The following PRKCE variants were observed in gnomAD, a reference collection of about 807,000 sequenced individuals.
PRKCE encodes protein kinase C epsilon, also known as protein kinase C epsilon type.
Under a neutral mutation model 85.4 loss-of-function variants are expected in PRKCE, and 16 were observed. The observed-to-expected ratio is 0.19, with a 90% confidence interval of 0.13 to 0.28. The LOEUF (loss-of-function observed/expected upper bound fraction) is 0.28. PRKCE is among the 10% of genes least tolerant of loss of function. The pLI is 1.00. For synonymous variants in PRKCE, 388 were observed against 371.5 expected (o/e 1.04, Z -0.51); for missense variants, 573 against 975.2 (o/e 0.59, Z 5.49).
chr2:45,984,137 C>T (rs1703123543), intron 5 of PRKCE, among the ~76,000 whole-genome samples: 2 of 152,016 alleles, frequency 1.3e-5, no homozygotes, highest in African/African-American at 2.4e-5. Context: ...AGGGTTTCAC[C>T]ATGTTGGCCA....
chr2:45,991,302 A>C (rs1387653115), intron 6 of PRKCE, among the ~76,000 whole-genome samples: 1 of 152,174 alleles, frequency 6.6e-6, no homozygotes. Flanking sequence ...CCACCACGCC[A>C]GACCTTATAA....
chr2:46,100,878 T>A (rs886343905), intron 11 of PRKCE, among the ~76,000 whole-genome samples: 9 of 151,948 alleles, frequency 5.9e-5, no homozygotes, highest in Non-Finnish European at 1.3e-4. Context: ...TCTCTTCTCT[T>A]CTCTTTTCTT....
At chr2:45,669,832 G>A (rs148646327) in intron 1 of PRKCE, among the ~76,000 whole-genome samples, 1 of 152,050 alleles carries the variant, frequency 6.6e-6, no homozygotes, top group Non-Finnish European at 1.5e-5. Context: ...CCAACATGGC[G>A]AAACCCCGTC....
intron 1 of PRKCE, among the ~76,000 whole-genome samples, chr2:45,678,986 C>T (rs954485611): frequency 3.9e-5 from 6 of 152,106 alleles, no homozygotes; most frequent in Admixed American, 2.0e-4. Flanking sequence ...GAAAGGCTTA[C>T]ATTGATTTTG....
intron 14 of PRKCE, among the ~76,000 whole-genome samples, chr2:46,180,718 C>A (rs1679892031): frequency 6.6e-6 from 1 of 152,208 alleles, no homozygotes; most frequent in Admixed American, 6.5e-5. Context: ...CAGAAGGAAC[C>A]TAATATCACA....
At chr2:46,169,444 T>C (rs1678671189) in intron 14 of PRKCE, among the ~76,000 whole-genome samples, 1 of 152,212 alleles carries the variant, frequency 6.6e-6, no homozygotes. Context: ...TACTCCTTTC[T>C]GGACCTATTT....
intron 11 of PRKCE, among the ~76,000 whole-genome samples, chr2:46,109,675 A>C (rs1467002942): frequency 6.6e-6 from 1 of 152,070 alleles, no homozygotes; most frequent in Non-Finnish European, 1.5e-5. Flanking sequence ...ATTCCTTCCT[A>C]ATCTGCACAC....
At chr2:45,958,903 C>A (rs1378849608) in intron 2 of PRKCE, among the ~76,000 whole-genome samples, 1 of 132,414 alleles carries the variant, frequency 7.6e-6, no homozygotes, top group East Asian at 2.4e-4. Flanking sequence ...GTGTTTTGCC[C>A]CTAAGGAGCA....
At chr2:46,017,658 A>G (rs916363643) in intron 10 of PRKCE, among the ~76,000 whole-genome samples, 1 of 152,210 alleles carries the variant, frequency 6.6e-6, no homozygotes, top group Non-Finnish European at 1.5e-5. Context: ...ACTATTTTAC[A>G]TTCCCATCAA....
intron 14 of PRKCE, among the ~76,000 whole-genome samples, chr2:46,182,361 T>C (rs756781896): frequency 2.6e-5 from 4 of 152,188 alleles, no homozygotes; most frequent in Non-Finnish European, 4.4e-5. Flanking sequence ...ATGGTCTTTG[T>C]TGTTTCCCTC....
intron 1 of PRKCE, among the ~76,000 whole-genome samples, chr2:45,716,911 G>A (rs1020919183): frequency 2.6e-5 from 4 of 152,202 alleles, no homozygotes; most frequent in African/African-American, 9.7e-5. Flanking sequence ...AGCGAAGGGA[G>A]AAGCCCCTTA....
At chr2:45,658,157 T>C (rs1452322970) in intron 1 of PRKCE, among the ~76,000 whole-genome samples, 1 of 152,158 alleles carries the variant, frequency 6.6e-6, no homozygotes, top group East Asian at 1.9e-4. Flanking sequence ...ACCTCCTTCG[T>C]GTGCGCCTAT....
chr2:45,912,476 G>C (rs180705946), intron 2 of PRKCE, among the ~76,000 whole-genome samples: 7 of 152,272 alleles, frequency 4.6e-5, no homozygotes, highest in Admixed American at 3.3e-4. Context: ...GGGAGTGGGT[G>C]GGGGCTGGGG....
intron 10 of PRKCE, among the ~76,000 whole-genome samples, chr2:46,055,819 C>T (rs369164960): frequency 4.7e-4 from 72 of 152,282 alleles, no homozygotes; most frequent in Middle Eastern, 3.4e-3. Flanking sequence ...CACACCACCA[C>T]GCCTAGCTAA....
At position 45,918,947 on chromosome 2, in the gene PRKCE, C is replaced by T. The variant is rs1698042312; in HGVS notation, c.413-57482C>T. Among the ~76,000 whole-genome samples the T allele has an allele frequency of 2.0e-5, 3 of 152,244 alleles. No homozygotes were observed. The South Asian group carries it at 6.2e-4, about 32-fold the overall frequency. ...CATTCCCCTTTGCTGTCACACACCC[C>T]TCCTCTTCAGGGAGAGCTGGCATGA... On this transcript the variant is annotated intron_variant, in intron 2 of 14. Transcript: ENST00000306156.
At chr2:46,108,130 G>T (rs1439199643) in intron 11 of PRKCE, among the ~76,000 whole-genome samples, 1 of 152,106 alleles carries the variant, frequency 6.6e-6, no homozygotes, top group Non-Finnish European at 1.5e-5. Context: ...GTGTCGCTCT[G>T]TTGCCCAGGC....
At position 45,976,482 on chromosome 2, in the gene PRKCE, C is replaced by A. The variant is rs1470650959; in HGVS notation, c.466C>A (p.Arg156=). Residue 156 remains arginine (R), a synonymous_variant, in exon 3 of 15, where the codon CGG becomes AGG. Coordinates refer to ENST00000306156, the MANE Select transcript of PRKCE (RefSeq NM_005400.3). ...CAGGGAACGCATGCGGCCGAGGAAG[C>A]GGCAGGGGGCCGTCAGGCGCAGGGT... The part of the protein sequence containing the change: ...VFRERMRPRK[R]QGAVRRRVHQ... 6.3e-7 allele frequency: 1 copy of A among 1,599,584 alleles called. No individual in the cohort carries two copies. The highest frequency in any genetic ancestry group is 1.3e-5 in the African/African-American group (1 of 74,910).
At chr2:46,086,630 G>A (rs1014184559) in intron 11 of PRKCE, among the ~76,000 whole-genome samples, 1 of 152,176 alleles carries the variant, frequency 6.6e-6, no homozygotes, top group Non-Finnish European at 1.5e-5. Context: ...TTGGTGCCAG[G>A]TGACCTTGGT....
intron 14 of PRKCE, among the ~76,000 whole-genome samples, chr2:46,180,654 G>A (rs1679884927): frequency 1.3e-5 from 2 of 152,222 alleles, no homozygotes; most frequent in Non-Finnish European, 2.9e-5. Context: ...GCTAAGATTT[G>A]AAGGCATGAT....
Sources: gnomAD v4.1 joint callset for allele counts (sites outside exome capture counted in the v4.1 genomes callset) on GRCh38, gnomAD v4.1.1 for gene constraint, MANE v1.5 for transcripts, NCBI Gene and HGNC (gene_info 2026-07-23, HGNC 2026-07-21) for gene names.